Variants in TEX35 observed in about 807,000 individuals in gnomAD.
The protein encoded by TEX35 is testis-expressed protein 35.
A neutral mutation model predicts 31.9 loss-of-function variants in TEX35; 26 were observed. That is an observed-to-expected ratio of 0.81 (90% CI 0.60 to 1.13). The LOEUF (loss-of-function observed/expected upper bound fraction) is 1.13, where lower values mean the gene tolerates loss of function less well. TEX35 is among the 50% of genes most tolerant of loss of function. The pLI is 0.00. For missense variants in TEX35, 278 were observed against 273.5 expected (o/e 1.02, Z -0.12); for synonymous variants, 87 against 90.7 (o/e 0.96, Z 0.23).
In TEX35 at chr1:178,514,777, G is replaced by T; in HGVS notation, c.159+9G>T. On this transcript the variant is annotated intron_variant, in intron 3 of 8. Transcript: ENST00000319416. ...TGACACAGGACCTAAAGGTGAGTGCGTGAACTTGGAGGCATGTCTATATTC... is the reference window on the plus strand; with the variant it reads ...TGACACAGGACCTAAAGGTGAGTGCTTGAACTTGGAGGCATGTCTATATTC... 6.2e-7 allele frequency: 1 copy of T among 1,612,070 alleles called. No individual in the cohort carries two copies. The highest frequency in any genetic ancestry group is 2.2e-5 in the East Asian group (1 of 44,842).
chr1:178,522,628 C>A lies in TEX35; in HGVS notation c.*188C>A. On this transcript the variant is annotated 3_prime_UTR_variant, in exon 9 of 9. Coordinates refer to ENST00000319416, the MANE Select transcript of TEX35 (RefSeq NM_032126.5). ...TTGCTAAGCTGGCTGCTTCTACCATCTAATAAATAATTGGCCAAGTTCTTT... is the reference window on the plus strand; with the variant it reads ...TTGCTAAGCTGGCTGCTTCTACCATATAATAAATAATTGGCCAAGTTCTTT... 7.8e-7 allele frequency: 1 copy of A among 1,276,168 alleles called. No homozygotes were observed. Among genetic ancestry groups the A allele is most frequent in the Non-Finnish European group, 9.9e-7 (1 of 1,011,008 alleles). 79.1% of individuals were successfully genotyped at this position (1,276,168 alleles called of 1,614,324 possible).
rs1353926289 is a variant in TEX35, at chr1:178,515,906, G to A, written c.207G>A (p.Glu69=). Reference sequence around the variant, plus strand: ...AAGAGCTCAAGGAGAAAATGGAGGAGATAAAACAGGTAAGAAGATGAGGCC... The same window carrying A: ...AAGAGCTCAAGGAGAAAATGGAGGAAATAAAACAGGTAAGAAGATGAGGCC... ...VREELKEKME[E]IKQIKDLMDK... is the part of the protein sequence containing the mutation. Residue 69 remains glutamate, a synonymous_variant, in exon 4 of 9, where the codon GAG becomes GAA. Coordinates refer to ENST00000319416, the MANE Select transcript of TEX35 (RefSeq NM_032126.5). The A allele has an allele frequency of 6.2e-7, 1 of 1,612,460 alleles. No individual in the cohort carries two copies. Among genetic ancestry groups the A allele is most frequent in the Non-Finnish European group, 8.5e-7 (1 of 1,178,766 alleles).
chr1:178,513,953 C>T (rs975634661), intron 1 of TEX35, 74 bp from the exon 2 acceptor site: 17 of 1,556,538 alleles, frequency 1.1e-5, no homozygotes, highest in South Asian at 6.1e-5. Flanking sequence ...GCAGGGTTCC[C>T]GTGCAAGGGC....
chr1:178,515,651 C>T (rs1396338147), intron 3 of TEX35, among the ~76,000 whole-genome samples: 1 of 150,560 alleles, frequency 6.6e-6, no homozygotes, highest in Non-Finnish European at 1.5e-5. Flanking sequence ...AAGTGATCCT[C>T]CCGCCTTGGC....
chr1:178,522,615 C>T lies in TEX35; in HGVS notation c.*175C>T. 7.7e-7 allele frequency: 1 copy of T among 1,295,188 alleles called. No homozygotes were observed. Among genetic ancestry groups the T allele is most frequent in the Non-Finnish European group, 9.8e-7 (1 of 1,021,000 alleles). The allele number at this position is 1,295,188 out of a possible 1,614,324, so 80.2% of individuals were successfully genotyped here. On this transcript the variant is annotated 3_prime_UTR_variant, in exon 9 of 9. Transcript: ENST00000319416. ...TTGTTTCATCTCTTTGCTAAGCTGG[C>T]TGCTTCTACCATCTAATAAATAATT... is the stretch of plus-strand genomic sequence containing the variant.
intron 5 of TEX35, among the ~76,000 whole-genome samples, chr1:178,518,116 G>T (rs1301989036): frequency 1.3e-5 from 2 of 151,908 alleles, no homozygotes; most frequent in Non-Finnish European, 2.9e-5. Context: ...CCACAGAAGA[G>T]AATATAACTA....
intron 4 of TEX35, 25 bp downstream of exon 4, chr1:178,515,940 C>A (rs766531278): frequency 1.3e-6 from 2 of 1,569,058 alleles, no homozygotes; most frequent in South Asian, 1.1e-5. Context: ...CCTTCCATAT[C>A]ATGGAGGGAA....
At chr1:178,521,966 C>T (rs1029725755) in intron 8 of TEX35, 9 of 918,924 alleles carry the variant, frequency 9.8e-6, no homozygotes, top group Admixed American at 2.9e-5. Context: ...TAGGGTCCTC[C>T]CAACCACCAC....
Position 178,520,723 on chromosome 1 carries a change from A to T in TEX35, c.392A>T (p.Lys131Met). Residue 131 changes from lysine (K) to methionine (M), a missense_variant, in exon 7 of 9, where the codon AAG (lysine) becomes ATG (methionine). Lys to Met is a moderately conservative substitution (Grantham distance 95). Coordinates refer to ENST00000319416, the MANE Select transcript of TEX35 (RefSeq NM_032126.5). Reference sequence around the variant, plus strand: ...CAGCAGGAACTCAGGCTGATGGGAAAGACTCACAGAGAACCACAGCTCAGG... The same window carrying T: ...CAGCAGGAACTCAGGCTGATGGGAATGACTCACAGAGAACCACAGCTCAGG... ...KEQQELRLMG[K>M]THREPQLRPK... 3 of 1,614,146 alleles carry T rather than the reference A, an allele frequency of 1.9e-6. No individual in the cohort carries two copies. The highest frequency in any genetic ancestry group is 2.5e-6 in the Non-Finnish European group (3 of 1,180,032).
At chr1:178,522,946 G>A (rs1281300891), downstream of TEX35, among the ~76,000 whole-genome samples, 3 of 152,072 alleles carry the variant, frequency 2.0e-5, no homozygotes, top group African/African-American at 7.2e-5. Flanking sequence ...CGGCCCCCAA[G>A]CCCCTGACTA....
In TEX35 at chr1:178,517,539, C is replaced by G. The variant is rs56341856; in HGVS notation, c.276+865C>G. Reference sequence around the variant, plus strand: ...CACCTGGAAAGCCTTTCACCTATGCCCTCCCCATCCAGGCTACACCTCATA... The same window carrying G: ...CACCTGGAAAGCCTTTCACCTATGCGCTCCCCATCCAGGCTACACCTCATA... On this transcript the variant is annotated intron_variant, in intron 5 of 8. Coordinates refer to ENST00000319416, the MANE Select transcript of TEX35 (RefSeq NM_032126.5). 7.0e-3 allele frequency among the ~76,000 whole-genome samples: 1,072 copies of G among 152,294 alleles called. 11 individuals are homozygous for G. Among genetic ancestry groups the G allele is most frequent in the African/African-American group, 0.024 (1,009 of 41,552 alleles).
intron 1 of TEX35, among the ~76,000 whole-genome samples, chr1:178,513,664 C>T (rs1649957077): frequency 2.0e-5 from 3 of 152,266 alleles, no homozygotes; most frequent in Non-Finnish European, 2.9e-5. Flanking sequence ...GTAGAGAGGT[C>T]AGCTGAGACT....
rs146796504 is a variant in TEX35, at chr1:178,516,653, C to T, written c.255C>T (p.His85=). 158 of 1,612,736 alleles carry T rather than the reference C, an allele frequency of 9.8e-5. No homozygotes were observed. The African/African-American group carries it at 1.9e-3, about 20-fold the overall frequency. ...TGGACAAGGATTTTGATAAACTTCACGAATTTGTGGAAATTATGAAGGTAA... is the reference window on the plus strand; with the variant it reads ...TGGACAAGGATTTTGATAAACTTCATGAATTTGTGGAAATTATGAAGGTAA... ...DLMDKDFDKL[H]EFVEIMKEMQ... The change falls in exon 5 of 9, where the codon CAC becomes CAT. Residue 85 remains histidine (H), a synonymous_variant. Coordinates refer to ENST00000319416, the MANE Select transcript of TEX35 (RefSeq NM_032126.5).
In TEX35 at chr1:178,514,073, C is replaced by A. The variant is rs759986091; in HGVS notation, c.86C>A (p.Thr29Asn). The A allele has an allele frequency of 1.2e-6, 2 of 1,614,234 alleles. No individual in the cohort carries two copies. The highest frequency in any genetic ancestry group is 3.3e-4 in the Middle Eastern group (2 of 6,062). The change falls in exon 2 of 9, where the codon ACC (threonine) becomes AAC (asparagine). Residue 29 changes from threonine (T) to asparagine (N), a missense_variant. Transcript: ENST00000319416. ...AVCLELKPEP[T>N]KTFDYKAVKQ... is the part of the protein sequence containing the mutation. ...TGCCTGGAATTGAAGCCAGAGCCGA[C>A]CAAAGTAAGAAGCCCTTTTGAGGCC...
At chr1:178,522,183 G>T in intron 8 of TEX35, 142 bp from the exon 9 acceptor site, 1 of 1,187,450 alleles carries the variant, frequency 8.4e-7, no homozygotes. Flanking sequence ...AGTTCTGCCT[G>T]CACCACACCC....
chr1:178,519,486 T>A (rs1650191436), intron 5 of TEX35, among the ~76,000 whole-genome samples: 1 of 152,194 alleles, frequency 6.6e-6, no homozygotes, highest in Non-Finnish European at 1.5e-5. Flanking sequence ...CTAGGGGACA[T>A]TGACTTCAAG....
intron 5 of TEX35, among the ~76,000 whole-genome samples, chr1:178,518,028 G>T (rs1650142745): frequency 6.6e-6 from 1 of 152,028 alleles, no homozygotes; most frequent in South Asian, 2.1e-4. Context: ...CAGAAAAAAG[G>T]TTTTTATCCA....
At chr1:178,514,916 G>A in intron 3 of TEX35, 148 bp downstream of exon 3, 1 of 680,552 alleles carries the variant, frequency 1.5e-6, no homozygotes, top group Non-Finnish European at 2.5e-6. Flanking sequence ...TTAACACACA[G>A]ACAATACTCA....
chr1:178,523,107 C>G (rs1385022493), downstream of TEX35, among the ~76,000 whole-genome samples: 1 of 152,198 alleles, frequency 6.6e-6, no homozygotes, highest in African/African-American at 2.4e-5. Flanking sequence ...CCAGTTCCAT[C>G]CACATTGTTG....
Sources: allele counts gnomAD v4.1 joint callset (sites outside exome capture counted in the v4.1 genomes callset), GRCh38; gene constraint gnomAD v4.1.1; transcripts MANE v1.5; gene names NCBI Gene and HGNC (gene_info 2026-07-23, HGNC 2026-07-21).